DBF4B: variants seen among roughly 807,000 people sequenced by gnomAD.
DBF4B encodes protein DBF4 homolog B.
DBF4B carries 49 observed loss-of-function variants against 53.4 expected under a neutral mutation model. The ratio of observed to expected loss-of-function variants is 0.92; its 90% CI spans 0.73 to 1.16. DBF4B has a LOEUF of 1.16. Among genes scored for constraint, DBF4B ranks in the 50% most tolerant of loss-of-function variants. DBF4B has a pLI of 0.00. For synonymous variants in DBF4B, 257 were observed against 288.7 expected (o/e 0.89, Z 1.11); for missense variants, 692 against 775.0 (o/e 0.89, Z 1.27).
chr17:44,750,058 C>T, intron 13 of DBF4B: 10 of 1,000,306 alleles, frequency 1.0e-5, no homozygotes, highest in Non-Finnish European at 1.2e-5. Flanking sequence ...CCCTCTCGCC[C>T]CTTCTCTGCC....
At chr17:44,742,681 C>T (rs1976188668) in intron 10 of DBF4B, among the ~76,000 whole-genome samples, 1 of 151,986 alleles carries the variant, frequency 6.6e-6, no homozygotes, top group South Asian at 2.1e-4. Flanking sequence ...CAGTGAATAT[C>T]AAAGTTTAAA....
chr17:44,724,907 A>G (rs186700640), intron 3 of DBF4B, among the ~76,000 whole-genome samples: 1 of 152,180 alleles, frequency 6.6e-6, no homozygotes, highest in African/African-American at 2.4e-5. Flanking sequence ...ACCTAAGGTC[A>G]GGAGTTTGAG....
At chr17:44,728,517 G>A (rs1242254558) in intron 3 of DBF4B, among the ~76,000 whole-genome samples, 1 of 152,126 alleles carries the variant, frequency 6.6e-6, no homozygotes, top group African/African-American at 2.4e-5. Context: ...TGCTTTTGCT[G>A]TATTAAAAAA....
At chr17:44,709,551 C>G (rs972045194) in intron 2 of DBF4B, among the ~76,000 whole-genome samples, 185 bp downstream of exon 2, 1 of 152,062 alleles carries the variant, frequency 6.6e-6, no homozygotes, top group African/African-American at 2.4e-5. Context: ...AAACTCCTGG[C>G]CTCAAGCAGT....
chr17:44,748,316 G>A, intron 12 of DBF4B, 25 bp from the exon 13 acceptor site: 4 of 1,568,986 alleles, frequency 2.5e-6, no homozygotes, highest in Non-Finnish European at 3.5e-6. Flanking sequence ...GAAACCTGCA[G>A]CTCACAGTGT....
In DBF4B at chr17:44,723,018, G is replaced by A. The variant is rs1239668627; in HGVS notation, c.221G>A (p.Gly74Asp). ...QFLTGAIQQL[G>D]GVIEGFLSKE... ...TTGACGGGGGCCATTCAGCAACTGG[G>A]TGGGGTAGGTAACCTGCTCTTCTCC... The change falls in exon 3 of 14, where the codon GGT becomes GAT. Residue 74 changes from glycine (G) to aspartate (D), a missense_variant. Gly to Asp is a moderately conservative substitution (Grantham distance 94). Transcript: ENST00000315005. The A allele has an allele frequency of 1.2e-6, 2 of 1,613,876 alleles. No homozygotes were observed. Among genetic ancestry groups the A allele is most frequent in the East Asian group, 2.2e-5 (1 of 44,892 alleles).
chr17:44,727,956 G>A (rs575658723), intron 3 of DBF4B, among the ~76,000 whole-genome samples: 1 of 148,716 alleles, frequency 6.7e-6, no homozygotes, highest in Non-Finnish European at 1.5e-5. Flanking sequence ...GACCTCAGGT[G>A]ATCCACCTGC....
chr17:44,717,244 T>C (rs1973407891), intron 2 of DBF4B, among the ~76,000 whole-genome samples: 1 of 152,084 alleles, frequency 6.6e-6, no homozygotes, highest in Admixed American at 6.6e-5. Flanking sequence ...TCAACCTAAT[T>C]TACCAGCTCA....
intron 2 of DBF4B, among the ~76,000 whole-genome samples, chr17:44,711,335 A>T (rs888513423): frequency 1.7e-4 from 26 of 152,198 alleles, no homozygotes; most frequent in Admixed American, 7.2e-4. Flanking sequence ...TTTAGAGACA[A>T]GAACTTGCTC....
At chr17:44,744,941 G>C (rs1298263935) in intron 10 of DBF4B, among the ~76,000 whole-genome samples, 1 of 152,018 alleles carries the variant, frequency 6.6e-6, no homozygotes. Context: ...TTTGTAAGGA[G>C]CCCTTCTCAT....
At chr17:44,729,173 T>C (rs1308706633) in intron 3 of DBF4B, among the ~76,000 whole-genome samples, 1 of 151,832 alleles carries the variant, frequency 6.6e-6, no homozygotes, top group Non-Finnish European at 1.5e-5. Flanking sequence ...AGTGGTAAAG[T>C]GTATATAACA....
chr17:44,730,804 G>A (rs751764554), intron 4 of DBF4B, among the ~76,000 whole-genome samples, 161 bp from the exon 5 acceptor site: 2 of 152,126 alleles, frequency 1.3e-5, no homozygotes, highest in Admixed American at 6.6e-5. Flanking sequence ...CCTCCTAAAC[G>A]TTTTCTAGGC....
intron 10 of DBF4B, among the ~76,000 whole-genome samples, chr17:44,742,300 C>CT: frequency 6.6e-6 from 1 of 150,668 alleles, no homozygotes; most frequent in Non-Finnish European, 1.5e-5. Flanking sequence ...ATCCCAGCTA[C>CT]TTGGGAGGCT....
rs1394186208 is a variant in DBF4B, at chr17:44,723,093, T to TA, written c.225+72dup. 1.9e-6 allele frequency: 3 copies of TA among 1,577,768 alleles called. No homozygotes were observed. In the African/African-American group the frequency reaches 4.1e-5, roughly 22 times the overall value. On this transcript the variant is annotated intron_variant, in intron 3 of 13. Transcript: ENST00000315005. ...CTTAGAGCAGGAGTTGGATGGGGAT[T>TA]ATATCTATGGTTTCCAAGTATTTTC... is the stretch of plus-strand genomic sequence containing the variant.
rs780491124 is a variant in DBF4B at position 44,751,300 on chromosome 17, T to C, written c.*47T>C. 9 of 1,572,908 alleles carry C rather than the reference T, an allele frequency of 5.7e-6. No homozygotes were observed. The highest frequency in any genetic ancestry group is 6.9e-6 in the Non-Finnish European group (8 of 1,160,004). The stretch of plus-strand genomic sequence containing the variant: ...GACTTGACCCAGGATGGATGGGTGC[T>C]GCTTGATGTGAATGAGGTCCCGCAG... On this transcript the variant is annotated 3_prime_UTR_variant, in exon 14 of 14. Transcript: ENST00000315005.
intron 6 of DBF4B, chr17:44,732,492 A>G (rs936288685): frequency 1.2e-5 from 6 of 519,872 alleles, no homozygotes; most frequent in South Asian, 2.4e-5. Flanking sequence ...TCCCTAGAAC[A>G]TGCCGTTTCA....
intron 10 of DBF4B, among the ~76,000 whole-genome samples, chr17:44,742,100 A>T (rs1452166426): frequency 6.6e-6 from 1 of 151,986 alleles, no homozygotes; most frequent in Non-Finnish European, 1.5e-5. Context: ...AAAAATAAAA[A>T]TAAAAATGTA....
At chr17:44,711,594 C>T (rs570876837) in intron 2 of DBF4B, among the ~76,000 whole-genome samples, 37 of 152,004 alleles carry the variant, frequency 2.4e-4, no homozygotes, top group Non-Finnish European at 4.1e-4. Flanking sequence ...GGCGGATCAC[C>T]TGAGATCAGG....
intron 2 of DBF4B, among the ~76,000 whole-genome samples, chr17:44,721,400 G>T (rs910559555): frequency 6.6e-6 from 1 of 151,842 alleles, no homozygotes; most frequent in African/African-American, 2.4e-5. Flanking sequence ...TCTATTTTTA[G>T]TAGAGGCAGG....
Sources: gnomAD v4.1 joint callset for allele counts (sites outside exome capture counted in the v4.1 genomes callset) on GRCh38, gnomAD v4.1.1 for gene constraint, MANE v1.5 for transcripts, NCBI Gene and HGNC (gene_info 2026-07-23, HGNC 2026-07-21) for gene names.